The following CREB1 variants were observed in gnomAD, a reference collection of about 807,000 sequenced individuals.
The protein encoded by CREB1 is cAMP responsive element binding protein 1.
Under a neutral mutation model 42.0 loss-of-function variants are expected in CREB1, and 2 were observed. That is an observed-to-expected ratio of 0.05 (90% CI 0.02 to 0.15). The LOEUF (loss-of-function observed/expected upper bound fraction) is 0.15, where lower values mean the gene tolerates loss of function less well. CREB1 is among the 10% of genes least tolerant of loss of function. The probability of loss-of-function intolerance (pLI) is 1.00; values close to 1 mark genes in which losing one functional copy is unlikely to be tolerated. For missense variants in CREB1, 199 were observed against 388.9 expected, an observed-to-expected ratio of 0.51 and a Z score of 4.11; for synonymous variants, 123 against 139.9, an observed-to-expected ratio of 0.88 and a Z score of 0.85.
intron 2 of CREB1, among the ~76,000 whole-genome samples, chr2:207,558,022 T>C (rs2106467365): frequency 6.6e-6 from 1 of 152,334 alleles, no homozygotes. Context: ...ATTGGGTTCC[T>C]GTTAGAGTTG....
At chr2:207,579,007 C>G (rs2082718426) in intron 7 of CREB1, among the ~76,000 whole-genome samples, 3 of 152,006 alleles carry the variant, frequency 2.0e-5, no homozygotes, top group African/African-American at 4.8e-5. Flanking sequence ...AGGCTGGTCT[C>G]GAACTCTTGA....
chr2:207,596,271 T>C (rs2106636790), intron 7 of CREB1, among the ~76,000 whole-genome samples: 1 of 152,382 alleles, frequency 6.6e-6, no homozygotes, highest in South Asian at 2.1e-4. Flanking sequence ...TAAGATTTTC[T>C]ATTTAAAGGA....
At chr2:207,537,969 A>C (rs1307776435) in intron 1 of CREB1, among the ~76,000 whole-genome samples, 1 of 152,220 alleles carries the variant, frequency 6.6e-6, no homozygotes, top group Non-Finnish European at 1.5e-5. Flanking sequence ...GATGGGACCC[A>C]AGTCTAAACA....
At chr2:207,582,575 C>A (rs2083107810) in intron 7 of CREB1, among the ~76,000 whole-genome samples, 1 of 151,712 alleles carries the variant, frequency 6.6e-6, no homozygotes, top group African/African-American at 2.4e-5. Context: ...CCATTTTTTT[C>A]TTTTTAAGCA....
intron 7 of CREB1, chr2:207,581,811 C>A (rs560750740): frequency 1.4e-6 from 1 of 700,122 alleles, no homozygotes; most frequent in South Asian, 1.5e-5. Context: ...AGTTTGGGTA[C>A]CATATCGCAT....
intron 5 of CREB1, 88 bp from the exon 6 acceptor site, chr2:207,575,184 A>G: frequency 3.0e-6 from 4 of 1,337,456 alleles, no homozygotes; most frequent in Non-Finnish European, 4.1e-6. Context: ...CTCCTAGATT[A>G]TTTTACAAAT....
chr2:207,553,771 T>C lies in CREB1; in HGVS notation c.-8-1857T>C, dbSNP rs531649796. Among the ~76,000 whole-genome samples the C allele has an allele frequency of 1.5e-4, 23 of 152,332 alleles. No homozygotes were observed. The South Asian group carries it at 4.6e-3, about 30-fold the overall frequency. ...GATACTTAAGTCAATATTAAAATAC[T>C]GAAATATGTGAAGAGTTAAAGGTGA... On this transcript the variant is annotated intron_variant, in intron 1 of 7. Transcript: ENST00000353267.
intron 3 of CREB1, among the ~76,000 whole-genome samples, chr2:207,564,728 G>C (rs752318751): frequency 2.6e-5 from 4 of 151,936 alleles, no homozygotes; most frequent in Non-Finnish European, 1.5e-5. Context: ...AGGTAGTATG[G>C]GTTTTAAATA....
At chr2:207,551,791 C>A (rs372843434) in intron 1 of CREB1, among the ~76,000 whole-genome samples, 1 of 152,010 alleles carries the variant, frequency 6.6e-6, no homozygotes, top group African/African-American at 2.4e-5. Flanking sequence ...CACCTGCAAT[C>A]CCAGCACTTT....
In CREB1 at chr2:207,558,680, T is replaced by C. The variant is rs1487167225; in HGVS notation, c.115-1546T>C. 3.3e-5 allele frequency among the ~76,000 whole-genome samples: 5 copies of C among 151,776 alleles called. No homozygotes were observed. In the East Asian group the frequency reaches 7.7e-4, roughly 23 times the overall value. On this transcript the variant is annotated intron_variant, in intron 2 of 7. Transcript: ENST00000353267. ...TTTTTTTGAGATGGAGTTTTGTTCT[T>C]ATTGCCCAGGCTGGAGTGCAATGGC...
chr2:207,587,459 A>G (rs945247547), intron 7 of CREB1, among the ~76,000 whole-genome samples: 37 of 152,216 alleles, frequency 2.4e-4, no homozygotes, highest in East Asian at 1.4e-3. Context: ...TGATCTAGCA[A>G]TCCTACTACT....
rs1019253107 is a variant in CREB1 at position 207,603,694 on chromosome 2, C to T, written c.*6636C>T. Among the ~76,000 whole-genome samples, 1 of 152,058 alleles carries T rather than the reference C, an allele frequency of 6.6e-6. No individual in the cohort carries two copies. The highest frequency in any genetic ancestry group is 2.4e-5 in the African/African-American group (1 of 41,374). Reference sequence around the variant, plus strand: ...TGTCAAGATGACTAATGGAGACATACGACCAGCTGTGTCTGATGTCATAAA... The same window carrying T: ...TGTCAAGATGACTAATGGAGACATATGACCAGCTGTGTCTGATGTCATAAA... On this transcript the variant is annotated 3_prime_UTR_variant, in exon 8 of 8. Coordinates refer to ENST00000353267, the MANE Select transcript of CREB1 (RefSeq NM_004379.5).
chr2:207,593,260 T>C (rs1169290605), intron 7 of CREB1, among the ~76,000 whole-genome samples: 1 of 152,134 alleles, frequency 6.6e-6, no homozygotes, highest in Non-Finnish European at 1.5e-5. Flanking sequence ...GTGCGGTGGC[T>C]CATGCCTGTA....
chr2:207,539,039 G>A (rs1399421077), intron 1 of CREB1, among the ~76,000 whole-genome samples: 9 of 118,830 alleles, frequency 7.6e-5, no homozygotes. Flanking sequence ...TGAATTATTT[G>A]TACTCTTTTT....
At chr2:207,580,688 A>G (rs2082857066) in intron 7 of CREB1, 1 of 221,592 alleles carries the variant, frequency 4.5e-6, no homozygotes, top group East Asian at 6.6e-5. Flanking sequence ...TAAACATTCT[A>G]AAAGAAAGTG....
intron 1 of CREB1, among the ~76,000 whole-genome samples, chr2:207,541,804 T>C (rs1177869253): frequency 2.6e-5 from 4 of 151,624 alleles, no homozygotes; most frequent in Non-Finnish European, 5.9e-5. Context: ...GACATTTTCA[T>C]TATCCCTAAA....
chr2:207,531,248 G>T (rs1413493550), intron 1 of CREB1, among the ~76,000 whole-genome samples: 1 of 151,936 alleles, frequency 6.6e-6, no homozygotes, highest in Non-Finnish European at 1.5e-5. Context: ...GGGTCATCTG[G>T]ATCTCCCCTC....
At chr2:207,546,899 C>G (rs1429063905) in intron 1 of CREB1, among the ~76,000 whole-genome samples, 2 of 152,260 alleles carry the variant, frequency 1.3e-5, no homozygotes, top group East Asian at 1.9e-4. Flanking sequence ...TGCTGTTTGA[C>G]TAGTAAGCAA....
At chr2:207,589,559 G>A (rs2084562135) in intron 7 of CREB1, among the ~76,000 whole-genome samples, 1 of 152,118 alleles carries the variant, frequency 6.6e-6, no homozygotes, top group African/African-American at 2.4e-5. Context: ...GGACACCTTT[G>A]GGGGACCTTA....
Sources: allele counts gnomAD v4.1 joint callset (sites outside exome capture counted in the v4.1 genomes callset), GRCh38; gene constraint gnomAD v4.1.1; transcripts MANE v1.5; gene names NCBI Gene and HGNC (gene_info 2026-07-23, HGNC 2026-07-21).